The following BLK variants were observed in gnomAD, a reference collection of about 807,000 sequenced individuals.
BLK encodes BLK proto-oncogene, Src family tyrosine kinase.
Under a neutral mutation model 61.8 loss-of-function variants are expected in BLK, and 64 were observed. The observed-to-expected ratio is 1.03, with a 90% CI of 0.85 to 1.27. The LOEUF (loss-of-function observed/expected upper bound fraction) is 1.27, where lower values mean the gene tolerates loss of function less well. Ranked by LOEUF, BLK falls within the 50% of genes most tolerant of loss-of-function variation. The pLI, the probability that BLK is intolerant of heterozygous loss-of-function variation, is 0.00. For missense variants in BLK, 853 were observed against 660.5 expected (o/e 1.29, Z -3.19); for synonymous variants, 351 against 272.0 (o/e 1.29, Z -2.86).
At chr8:11,523,061 T>TC (rs1384980606) in intron 1 of BLK, among the ~76,000 whole-genome samples, 2 of 152,244 alleles carry the variant, frequency 1.3e-5, no homozygotes, top group Non-Finnish European at 2.9e-5. Flanking sequence ...TTTTCTGTTT[T>TC]TTTATACATT....
chr8:11,559,955 A>G, intron 10 of BLK: 1 of 391,632 alleles, frequency 2.6e-6, no homozygotes, highest in South Asian at 1.9e-5. Flanking sequence ...GCCCTACTCA[A>G]CATTTTTTAA....
At chr8:11,496,511 G>A (rs1476742055) in intron 1 of BLK, among the ~76,000 whole-genome samples, 9 of 152,240 alleles carry the variant, frequency 5.9e-5, no homozygotes, top group Admixed American at 3.3e-4. Context: ...CCACAGTGCT[G>A]GGATTGCAGG....
At chr8:11,563,807 T>C (rs1429240028) in intron 12 of BLK, 96 bp from the exon 13 acceptor site, 1 of 1,251,632 alleles carries the variant, frequency 8.0e-7, no homozygotes, top group Non-Finnish European at 1.1e-6. Flanking sequence ...CTGCTGTCCC[T>C]TGCCTGGGCC....
rs1177054753 is a variant in BLK, at chr8:11,556,676, T to C, written c.791T>C (p.Met264Thr). 2 of 1,614,016 alleles carry C rather than the reference T, an allele frequency of 1.2e-6. No homozygotes were observed. Among genetic ancestry groups the C allele is most frequent in the East Asian group, 2.2e-5 (1 of 44,866 alleles). The part of the protein sequence containing the change: ...EVWMGYYKNN[M>T]KVAIKTLKEG... ...GGCTCAGGTTACTACAAAAACAACA[T>C]GAAGGTGGCCATTAAGACGCTGAAG... is the stretch of plus-strand genomic sequence containing the variant. The change falls in exon 9 of 13, where the codon ATG becomes ACG. Residue 264 changes from methionine (M) to threonine (T), a missense_variant. Coordinates refer to ENST00000259089, the MANE Select transcript of BLK (RefSeq NM_001715.3).
At chr8:11,529,162 C>G (rs926510445) in intron 1 of BLK, among the ~76,000 whole-genome samples, 3 of 151,998 alleles carry the variant, frequency 2.0e-5, no homozygotes, top group African/African-American at 4.8e-5. Context: ...TGTAAATCGC[C>G]CAGTGGGTTC....
chr8:11,525,368 T>C (rs573576981), intron 1 of BLK, among the ~76,000 whole-genome samples: 7 of 152,332 alleles, frequency 4.6e-5, no homozygotes, highest in African/African-American at 1.7e-4. Context: ...TCACTGTTAG[T>C]AGTTTGATTT....
intron 1 of BLK, among the ~76,000 whole-genome samples, chr8:11,516,680 A>C (rs981798995): frequency 6.6e-6 from 1 of 152,182 alleles, no homozygotes; most frequent in East Asian, 1.9e-4. Flanking sequence ...GGAATCATAC[A>C]GTGTTTGTCC....
chr8:11,535,185 A>G, intron 1 of BLK, among the ~76,000 whole-genome samples: 1 of 138,070 alleles, frequency 7.2e-6, no homozygotes, highest in African/African-American at 2.7e-5. Flanking sequence ...GAATGAAAGA[A>G]AGAAAGAAAG....
chr8:11,545,901 A>T (rs1800612025), intron 2 of BLK, 151 bp from the exon 3 acceptor site: 1 of 837,534 alleles, frequency 1.2e-6, no homozygotes, highest in African/African-American at 1.7e-5. Flanking sequence ...TGGGTACAGA[A>T]TGTCCCTGAG....
intron 1 of BLK, among the ~76,000 whole-genome samples, chr8:11,532,421 G>T (rs1253520022): frequency 6.7e-6 from 1 of 149,192 alleles, no homozygotes; most frequent in African/African-American, 2.5e-5. Flanking sequence ...ATGTTGGCCA[G>T]GCTGGTCTCG....
At chr8:11,507,794 G>A (rs1292717106) in intron 1 of BLK, among the ~76,000 whole-genome samples, 1 of 152,162 alleles carries the variant, frequency 6.6e-6, no homozygotes, top group Non-Finnish European at 1.5e-5. Flanking sequence ...GGAGAGCAGG[G>A]AAGAGATTGC....
intron 4 of BLK, among the ~76,000 whole-genome samples, chr8:11,548,481 G>T (rs1800747837): frequency 6.6e-6 from 1 of 152,064 alleles, no homozygotes; most frequent in Non-Finnish European, 1.5e-5. Context: ...GTCCATATTT[G>T]TCTCCTTTTC....
intron 1 of BLK, among the ~76,000 whole-genome samples, chr8:11,518,724 G>A (rs778122230): frequency 1.3e-5 from 2 of 152,092 alleles, no homozygotes; most frequent in Non-Finnish European, 2.9e-5. Context: ...GTCCAACACG[G>A]CATTTGGAAA....
At chr8:11,530,618 A>G (rs547595421) in intron 1 of BLK, among the ~76,000 whole-genome samples, 1 of 152,368 alleles carries the variant, frequency 6.6e-6, no homozygotes, top group Admixed American at 6.5e-5. Flanking sequence ...AGAGAAAGAA[A>G]TATGCTCTAA....
At chr8:11,502,617 A>T (rs1004735323) in intron 1 of BLK, among the ~76,000 whole-genome samples, 1 of 152,200 alleles carries the variant, frequency 6.6e-6, no homozygotes, top group African/African-American at 2.4e-5. Context: ...AATCTTGCAT[A>T]ATGATTTGAA....
At chr8:11,523,906 G>A (rs890334176) in intron 1 of BLK, among the ~76,000 whole-genome samples, 5 of 151,148 alleles carry the variant, frequency 3.3e-5, no homozygotes, top group East Asian at 1.9e-4. Context: ...CCTTCATCAC[G>A]GTGAGAATGT....
intron 10 of BLK, among the ~76,000 whole-genome samples, chr8:11,559,360 C>G (rs1427836428): frequency 6.6e-6 from 1 of 151,168 alleles, no homozygotes; most frequent in Non-Finnish European, 1.5e-5. Flanking sequence ...AACACATACA[C>G]AGACTCACAC....
intron 1 of BLK, among the ~76,000 whole-genome samples, chr8:11,539,792 C>G (rs1053231687): frequency 1.3e-5 from 2 of 152,150 alleles, no homozygotes; most frequent in Non-Finnish European, 2.9e-5. Context: ...CGTGAAGGAA[C>G]AAATGAAACA....
intron 1 of BLK, among the ~76,000 whole-genome samples, chr8:11,518,667 G>A (rs766008734): frequency 2.6e-5 from 4 of 152,156 alleles, no homozygotes; most frequent in Non-Finnish European, 5.9e-5. Context: ...AACAGCTGCA[G>A]TGATCCCTTT....
Sources: gnomAD v4.1 joint callset for allele counts (sites outside exome capture counted in the v4.1 genomes callset) on GRCh38, gnomAD v4.1.1 for gene constraint, MANE v1.5 for transcripts, NCBI Gene and HGNC (gene_info 2026-07-23, HGNC 2026-07-21) for gene names.